The following WDR70 variants were observed in gnomAD, a reference collection of about 807,000 sequenced individuals.
WDR70 encodes the protein WD repeat-containing protein 70.
In WDR70, 53 loss-of-function variants were observed where a neutral mutation model predicts 88.6. That is an observed-to-expected ratio of 0.60 (90% CI 0.48 to 0.75). The LOEUF (loss-of-function observed/expected upper bound fraction) is 0.75. Among genes scored for constraint, WDR70 ranks in the 30% least tolerant of loss-of-function variants. The pLI, the probability that WDR70 is intolerant of heterozygous loss-of-function variation, is 0.00. For synonymous variants in WDR70, 280 were observed against 270.0 expected (o/e 1.04, Z -0.36); for missense variants, 610 against 823.2 (o/e 0.74, Z 3.17).
chr5:37,666,392 T>A (rs529454612), intron 10 of WDR70, among the ~76,000 whole-genome samples: 1 of 152,352 alleles, frequency 6.6e-6, no homozygotes, highest in African/African-American at 2.4e-5. Context: ...GTAACTGTGC[T>A]ATTTGCCAAG....
At chr5:37,408,885 A>G (rs1749436137) in intron 5 of WDR70, among the ~76,000 whole-genome samples, 1 of 152,184 alleles carries the variant, frequency 6.6e-6, no homozygotes, top group African/African-American at 2.4e-5. Flanking sequence ...ATTGGTACTA[A>G]TGCAATCTTT....
intron 7 of WDR70, among the ~76,000 whole-genome samples, chr5:37,461,120 A>AT (rs1561860880): frequency 2.3e-4 from 6 of 26,458 alleles, no homozygotes; most frequent in Admixed American, 7.3e-4. Context: ...AAAAAAAAAA[A>AT]AAAAATAAAG....
rs753359545 is a variant in WDR70, at chr5:37,701,132, A to G, written c.1267A>G (p.Met423Val). 13 of 1,594,174 alleles carry G rather than the reference A, an allele frequency of 8.2e-6. No individual in the cohort carries two copies. The highest frequency in any genetic ancestry group is 5.4e-5 in the African/African-American group (4 of 74,412). ...TTTTTCAGCCTCGGGTCTTCCCACCATGTTCCCAATGTAAGTAGCATATTT... is the reference window on the plus strand; with the variant it reads ...TTTTTCAGCCTCGGGTCTTCCCACCGTGTTCCCAATGTAAGTAGCATATTT... Reference protein sequence around the residue: ...PLFSASGLPTMFPMTDCCFSP... With the variant: ...PLFSASGLPTVFPMTDCCFSP... The change falls in exon 12 of 18, where the codon ATG (methionine) becomes GTG (valine). Residue 423 changes from methionine to valine, a missense_variant. Physicochemically the swap from Met to Val is conservative, Grantham distance 21 (BLOSUM62 1). Coordinates refer to ENST00000265107, the MANE Select transcript of WDR70 (RefSeq NM_018034.4).
At chr5:37,726,862 G>T (rs540625342) in intron 16 of WDR70, 21 bp from the exon 17 acceptor site, 180 of 1,571,856 alleles carry the variant, frequency 1.1e-4, no homozygotes, top group African/African-American at 3.2e-4. Context: ...TTCTAATTTG[G>T]TTTTTTTTCT....
chr5:37,749,548 GTTT>G (rs945643883), intron 17 of WDR70, among the ~76,000 whole-genome samples: 3 of 148,542 alleles, frequency 2.0e-5, no homozygotes, highest in African/African-American at 5.1e-5. Flanking sequence ...CATGTATCCT[GTTT>G]TTTTTTAAGA....
At chr5:37,627,885 A>G (rs1744711269) in intron 10 of WDR70, among the ~76,000 whole-genome samples, 1 of 152,106 alleles carries the variant, frequency 6.6e-6, no homozygotes. Context: ...GAAAAGAATG[A>G]AGTTGTTAGG....
At chr5:37,732,545 A>G (rs955909011) in intron 17 of WDR70, among the ~76,000 whole-genome samples, 1 of 152,116 alleles carries the variant, frequency 6.6e-6, no homozygotes, top group Non-Finnish European at 1.5e-5. Context: ...CCAATCTGAT[A>G]GGTGAAAATG....
intron 13 of WDR70, among the ~76,000 whole-genome samples, chr5:37,717,353 C>T (rs1747680742): frequency 2.6e-5 from 4 of 152,234 alleles, no homozygotes; most frequent in African/African-American, 4.8e-5. Flanking sequence ...ATTGGAATCT[C>T]ATGATATAAT....
At position 37,605,254 on chromosome 5, in the gene WDR70, T is replaced by C. The variant is rs1171789642; in HGVS notation, c.1092+16T>C. ...AAATTTGACTGTAAGTTAAATCTTTTCTTAGAACATGGCCACCTTAAATCT... is the reference window on the plus strand; with the variant it reads ...AAATTTGACTGTAAGTTAAATCTTTCCTTAGAACATGGCCACCTTAAATCT... On this transcript the variant is annotated intron_variant, in intron 10 of 17. Transcript: ENST00000265107. The C allele has an allele frequency of 1.9e-6, 3 of 1,586,188 alleles. No individual in the cohort carries two copies. Among genetic ancestry groups the C allele is most frequent in the Admixed American group, 3.5e-5 (2 of 57,064 alleles).
intron 7 of WDR70, among the ~76,000 whole-genome samples, chr5:37,450,032 A>G (rs753121295): frequency 7.3e-4 from 111 of 152,246 alleles, no homozygotes; most frequent in Non-Finnish European, 9.1e-4. Flanking sequence ...TTTGCTGAGA[A>G]TGATGGTTTC....
At chr5:37,477,622 C>T (rs1032187049) in intron 7 of WDR70, among the ~76,000 whole-genome samples, 8 of 152,196 alleles carry the variant, frequency 5.3e-5, no homozygotes, top group African/African-American at 2.4e-5. Flanking sequence ...CACAGCCAAA[C>T]TGGCCAAGTC....
At chr5:37,692,554 G>T (rs1169550183) in intron 10 of WDR70, among the ~76,000 whole-genome samples, 2 of 152,192 alleles carry the variant, frequency 1.3e-5, no homozygotes, top group African/African-American at 4.8e-5. Flanking sequence ...TGCAAGGATA[G>T]TTTAACATAC....
At chr5:37,462,020 T>C (rs1428358992) in intron 7 of WDR70, among the ~76,000 whole-genome samples, 1 of 152,168 alleles carries the variant, frequency 6.6e-6, no homozygotes, top group Non-Finnish European at 1.5e-5. Context: ...CTAATCATTC[T>C]GATCTTTTCC....
rs542755250 is a variant in WDR70, at chr5:37,452,369, G to A, written c.686+8997G>A. Among the ~76,000 whole-genome samples, 16 of 151,880 alleles carry A rather than the reference G, an allele frequency of 1.1e-4. No individual in the cohort carries two copies. The South Asian group carries it at 3.1e-3, about 30-fold the overall frequency. ...CAACCTCCACCTTCCGGGTTCAAGC[G>A]ATTCTCCTGTCTCAGCCTCCTGAGG... On this transcript the variant is annotated intron_variant, in intron 7 of 17. Coordinates refer to ENST00000265107, the MANE Select transcript of WDR70 (RefSeq NM_018034.4).
chr5:37,706,578 C>A (rs1370871474), intron 13 of WDR70, among the ~76,000 whole-genome samples: 1 of 152,168 alleles, frequency 6.6e-6, no homozygotes, highest in Non-Finnish European at 1.5e-5. Context: ...GTAAGACGTG[C>A]CTTTGCCCCT....
At chr5:37,751,446 T>C (rs1748805781) in intron 17 of WDR70, among the ~76,000 whole-genome samples, 1 of 152,202 alleles carries the variant, frequency 6.6e-6, no homozygotes, top group Admixed American at 6.5e-5. Flanking sequence ...TCACGAGCAA[T>C]TCTAGTACAT....
chr5:37,468,763 A>G (rs1426267970), intron 7 of WDR70, among the ~76,000 whole-genome samples: 2 of 152,226 alleles, frequency 1.3e-5, no homozygotes, highest in Non-Finnish European at 1.5e-5. Flanking sequence ...TTGCATCTGT[A>G]CTGAACATGT....
intron 8 of WDR70, among the ~76,000 whole-genome samples, chr5:37,487,628 T>TA (rs1491104958): frequency 1.6e-3 from 8 of 5,008 alleles, no homozygotes; most frequent in Admixed American, 3.2e-3. Context: ...TATATATGTA[T>TA]TTTTTTTTTT....
At chr5:37,722,651 C>T (rs1305701618) in intron 14 of WDR70, 5 of 570,456 alleles carry the variant, frequency 8.8e-6, no homozygotes, top group South Asian at 6.4e-5. Context: ...TTGTTAATAA[C>T]CACTGACTGA....
Sources: allele counts gnomAD v4.1 joint callset (sites outside exome capture counted in the v4.1 genomes callset), GRCh38; gene constraint gnomAD v4.1.1; transcripts MANE v1.5; gene names NCBI Gene and HGNC (gene_info 2026-07-23, HGNC 2026-07-21).